Variants in KCMF1 observed in about 807,000 individuals in gnomAD.
KCMF1 encodes potassium channel modulatory factor 1, also known as E3 ubiquitin-protein ligase KCMF1.
Under a neutral mutation model 41.1 loss-of-function variants are expected in KCMF1, and 3 were observed. The observed-to-expected ratio is 0.07, with a 90% CI of 0.03 to 0.19. The LOEUF (loss-of-function observed/expected upper bound fraction) is 0.19, where lower values mean the gene tolerates loss of function less well. Ranked by LOEUF, KCMF1 falls within the 10% of genes least tolerant of loss-of-function variation. The pLI is 1.00. For synonymous variants in KCMF1, 142 were observed against 164.5 expected, an observed-to-expected ratio of 0.86 and a Z score of 1.04; for missense variants, 286 against 488.9, an observed-to-expected ratio of 0.58 and a Z score of 3.91.
intron 1 of KCMF1, among the ~76,000 whole-genome samples, chr2:84,985,761 G>C (rs560034432): frequency 6.6e-6 from 1 of 151,574 alleles, no homozygotes; most frequent in Non-Finnish European, 1.5e-5. Flanking sequence ...ACCAGAAGGC[G>C]GAGGTTGCAG....
intron 1 of KCMF1, among the ~76,000 whole-genome samples, chr2:84,982,662 G>T (rs993801406): frequency 6.6e-6 from 1 of 152,056 alleles, no homozygotes; most frequent in Admixed American, 6.6e-5. Flanking sequence ...GCCACCCAAA[G>T]TGCTAGGATT....
intron 1 of KCMF1, among the ~76,000 whole-genome samples, chr2:85,026,654 A>G (rs762717201): frequency 2.8e-4 from 41 of 148,394 alleles, no homozygotes; most frequent in Admixed American, 9.4e-4. Flanking sequence ...ATGCCCAGCT[A>G]ATTTTTAAAT....
chr2:85,001,120 C>T (rs2103990030), intron 1 of KCMF1, among the ~76,000 whole-genome samples: 1 of 150,800 alleles, frequency 6.6e-6, no homozygotes, highest in South Asian at 2.1e-4. Context: ...GCCACTACTC[C>T]CAGCCTTATA....
At chr2:85,039,196 A>G (rs927512408) in intron 3 of KCMF1, among the ~76,000 whole-genome samples, 1 of 152,204 alleles carries the variant, frequency 6.6e-6, no homozygotes, top group Non-Finnish European at 1.5e-5. Flanking sequence ...TAATATAACA[A>G]ATTTAGCCAG....
chr2:84,982,401 T>C (rs1673785747), intron 1 of KCMF1, among the ~76,000 whole-genome samples: 6 of 99,948 alleles, frequency 6.0e-5, no homozygotes, highest in East Asian at 2.3e-4. Context: ...TTTTTTTTTT[T>C]TTTTTTTTTT....
chr2:85,034,094 C>CT (rs943112460), intron 2 of KCMF1, among the ~76,000 whole-genome samples: 1 of 151,858 alleles, frequency 6.6e-6, no homozygotes, highest in Non-Finnish European at 1.5e-5. Context: ...ATGTTGGAGG[C>CT]TGAGGCAGGA....
In KCMF1 at chr2:85,053,506, G is replaced by T; in HGVS notation, c.*97G>T. On this transcript the variant is annotated 3_prime_UTR_variant, in exon 7 of 7. Coordinates refer to ENST00000409785, the MANE Select transcript of KCMF1 (RefSeq NM_020122.5). ...GTTTGTTTGGTGATTGTAATTTCAG[G>T]TCTGTCACTCTTGTTACATTGTGTA... 1 of 1,222,096 alleles carries T rather than the reference G, an allele frequency of 8.2e-7. No homozygotes were observed. Among genetic ancestry groups the T allele is most frequent in the East Asian group, 2.5e-5 (1 of 39,556 alleles). The allele number at this position is 1,222,096 out of a possible 1,614,324, so 75.7% of individuals were successfully genotyped here. A position where few individuals can be genotyped will look rare whatever the true frequency, so the allele number is the denominator to read the frequency against.
chr2:84,986,923 A>G (rs1387082470), intron 1 of KCMF1, among the ~76,000 whole-genome samples: 1 of 152,130 alleles, frequency 6.6e-6, no homozygotes, highest in Admixed American at 6.6e-5. Context: ...TTAAGGTTCC[A>G]AGGGTGAAGT....
chr2:85,028,689 C>T (rs1241300772), intron 2 of KCMF1, among the ~76,000 whole-genome samples: 1 of 151,694 alleles, frequency 6.6e-6, no homozygotes, highest in African/African-American at 2.4e-5. Context: ...TAGGGTTTCA[C>T]CATGTTAACC....
rs764171036 is a variant in KCMF1 at position 85,008,321 on chromosome 2, C to A, written c.17-19568C>A. 5.5e-3 allele frequency among the ~76,000 whole-genome samples: 241 copies of A among 43,890 alleles called. 4 individuals are homozygous for A. The highest frequency in any genetic ancestry group is 9.4e-3 in the East Asian group (11 of 1,168). The allele number at this position is 43,890 out of a possible 152,430, so 28.8% of individuals were successfully genotyped here. On this transcript the variant is annotated intron_variant, in intron 1 of 6. Transcript: ENST00000409785. ...ATAATATATAATATGATATATATAT[C>A]ATATATAATATATAATATGATATAT...
intron 1 of KCMF1, among the ~76,000 whole-genome samples, chr2:85,005,918 A>T (rs575917256): frequency 2.0e-5 from 3 of 152,330 alleles, no homozygotes; most frequent in Non-Finnish European, 2.9e-5. Context: ...GAGCATTCAA[A>T]ATCCTCTCTT....
chr2:85,001,066 A>G (rs908914511), intron 1 of KCMF1, among the ~76,000 whole-genome samples: 3 of 150,922 alleles, frequency 2.0e-5, no homozygotes, highest in Non-Finnish European at 4.4e-5. Flanking sequence ...GTCTCAAGTG[A>G]TCTTCCTGCT....
chr2:85,059,446 T>C lies in KCMF1; in HGVS notation c.*6037T>C, dbSNP rs1281862421. 1 of 152,260 alleles carries C rather than the reference T, an allele frequency of 6.6e-6. No homozygotes were observed. Among genetic ancestry groups the C allele is most frequent in the Non-Finnish European group, 1.5e-5 (1 of 68,052 alleles). 9.4% of individuals were successfully genotyped at this position (152,260 alleles called of 1,614,324 possible). A position where few individuals can be genotyped will look rare whatever the true frequency, so the allele number is the denominator to read the frequency against. On this transcript the variant is annotated 3_prime_UTR_variant, in exon 7 of 7. Transcript: ENST00000409785. ...CCTGTCATGAAGCTTATCTGTTTTC[T>C]GATTTGAATAAACTTTGTGTTGTGC...
intron 3 of KCMF1, among the ~76,000 whole-genome samples, chr2:85,038,654 T>C (rs1010669294): frequency 3.3e-5 from 5 of 152,204 alleles, no homozygotes; most frequent in African/African-American, 1.2e-4. Context: ...AAGTATAATA[T>C]GTGTCAACAG....
At chr2:84,995,070 G>T (rs984686660) in intron 1 of KCMF1, among the ~76,000 whole-genome samples, 11 of 150,284 alleles carry the variant, frequency 7.3e-5, no homozygotes, top group African/African-American at 2.7e-4. Context: ...TGCCCATGCT[G>T]GAGTGCAGTG....
intron 1 of KCMF1, among the ~76,000 whole-genome samples, chr2:85,016,946 G>A (rs1574026636): frequency 6.6e-6 from 1 of 151,316 alleles, no homozygotes; most frequent in South Asian, 2.1e-4. Context: ...CATCTCAGGC[G>A]TGAGCCACTG....
intron 1 of KCMF1, among the ~76,000 whole-genome samples, chr2:85,020,578 A>T (rs1428845655): frequency 6.6e-6 from 1 of 151,954 alleles, no homozygotes. Context: ...GGTGCTCACC[A>T]CTACACCTGG....
chr2:85,020,957 C>T (rs1284508608), intron 1 of KCMF1, among the ~76,000 whole-genome samples: 1 of 152,134 alleles, frequency 6.6e-6, no homozygotes, highest in Non-Finnish European at 1.5e-5. Context: ...GCAGCCTCGA[C>T]CTCCTGGGCT....
At chr2:84,976,723 A>C (rs1399920440) in intron 1 of KCMF1, among the ~76,000 whole-genome samples, 2 of 151,922 alleles carry the variant, frequency 1.3e-5, no homozygotes, top group African/African-American at 4.8e-5. Context: ...GAAGATTTTC[A>C]CATGTAAAAA....
Sources: gnomAD v4.1 joint callset for allele counts (sites outside exome capture counted in the v4.1 genomes callset) on GRCh38, gnomAD v4.1.1 for gene constraint, MANE v1.5 for transcripts, NCBI Gene and HGNC (gene_info 2026-07-23, HGNC 2026-07-21) for gene names.